Variants in PRRG4 observed in about 807,000 individuals in gnomAD.
PRRG4 encodes transmembrane gamma-carboxyglutamic acid protein 4.
PRRG4 carries 12 observed loss-of-function variants against 20.0 expected under a neutral mutation model. That is an observed-to-expected ratio of 0.60 (90% confidence interval 0.38 to 0.97). The LOEUF is 0.97. PRRG4 is among the 50% of genes least tolerant of loss of function. The pLI is 0.00. For synonymous variants in PRRG4, 94 were observed against 96.4 expected (o/e 0.98, Z 0.15); for missense variants, 199 against 265.1 (o/e 0.75, Z 1.73).
intron 5 of PRRG4, among the ~76,000 whole-genome samples, chr11:32,849,569 C>G (rs1395473608): frequency 6.6e-6 from 1 of 152,120 alleles, no homozygotes; most frequent in Non-Finnish European, 1.5e-5. Context: ...GAGGCTGAGG[C>G]AGGAGAAACG....
chr11:32,853,555 T>G lies in PRRG4; in HGVS notation c.*28T>G, dbSNP rs1278017376. On this transcript the variant is annotated 3_prime_UTR_variant, in exon 6 of 6. Transcript: ENST00000257836. ...ACCTTGTCATTTTGGTATAAGAAAT[T>G]TGTGTTATTTGATAGGCCGGGCATG... 1.3e-6 allele frequency: 2 copies of G among 1,573,746 alleles called. No homozygotes were observed. The highest frequency in any genetic ancestry group is 1.3e-5 in the African/African-American group (1 of 74,240).
chr11:32,835,016 G>T (rs1590668067), intron 2 of PRRG4, among the ~76,000 whole-genome samples: 1 of 152,002 alleles, frequency 6.6e-6, no homozygotes, highest in African/African-American at 2.4e-5. Flanking sequence ...GTTTCATCTT[G>T]TTGCCCAGGC....
At chr11:32,845,640 AG>A (rs1478093789) in intron 5 of PRRG4, among the ~76,000 whole-genome samples, 2 of 130,192 alleles carry the variant, frequency 1.5e-5, no homozygotes, top group African/African-American at 6.1e-5. Flanking sequence ...AAAAAAAAAA[AG>A]ATAACACTGT....
At position 32,850,784 on chromosome 11, in the gene PRRG4, A is replaced by G. The variant is rs183455570; in HGVS notation, c.450-2512A>G. ...CCTCATTCATCTGTAAAAACAAGCC[A>G]AGAGGCTGGCAGCGGTGGCTCACGC... On this transcript the variant is annotated intron_variant, in intron 5 of 5. Coordinates refer to ENST00000257836, the MANE Select transcript of PRRG4 (RefSeq NM_024081.6). 2.3e-3 allele frequency among the ~76,000 whole-genome samples: 349 copies of G among 152,280 alleles called. 2 individuals carry two copies. The highest frequency in any genetic ancestry group is 8.2e-3 in the African/African-American group (339 of 41,548).
At chr11:32,844,543 C>T (rs768637110) in intron 5 of PRRG4, among the ~76,000 whole-genome samples, 2 of 151,024 alleles carry the variant, frequency 1.3e-5, no homozygotes, top group African/African-American at 4.9e-5. Context: ...CTCTGTTACC[C>T]AGGCTGGAGT....
intron 2 of PRRG4, 39 bp from the exon 3 acceptor site, chr11:32,836,619 A>C: frequency 2.4e-6 from 3 of 1,231,260 alleles, no homozygotes; most frequent in Non-Finnish European, 3.4e-6. Context: ...TTTTGACTAT[A>C]TTTGATCAAT....
intron 2 of PRRG4, among the ~76,000 whole-genome samples, chr11:32,831,894 G>A (rs1850975205): frequency 6.6e-6 from 1 of 152,058 alleles, no homozygotes; most frequent in African/African-American, 2.4e-5. Context: ...GGTGGCACGT[G>A]CCTATAATCC....
rs568424804 is a variant in PRRG4, at chr11:32,832,401, A to AT, written c.103+1770dup. Among the ~76,000 whole-genome samples the AT allele has an allele frequency of 3.1e-4, 47 of 152,158 alleles. 1 individual carries two copies. The South Asian group carries it at 4.1e-3, about 13-fold the overall frequency. On this transcript the variant is annotated intron_variant, in intron 2 of 5. Transcript: ENST00000257836. Reference sequence around the variant, plus strand: ...AGAGAGTTGTATGGCAGAGAAGCCAATGCCTTCCATCTGCAAATGGGCTAT... The same window carrying AT: ...AGAGAGTTGTATGGCAGAGAAGCCAATTGCCTTCCATCTGCAAATGGGCTAT...
At position 32,855,764 on chromosome 11, in the gene PRRG4, G is replaced by A. The variant is rs1249043319; in HGVS notation, c.*2237G>A. On this transcript the variant is annotated 3_prime_UTR_variant, in exon 6 of 6. Coordinates refer to ENST00000257836, the MANE Select transcript of PRRG4 (RefSeq NM_024081.6). The stretch of plus-strand genomic sequence containing the variant: ...ATATAAAAATCTTGCTATTCCTTGT[G>A]TCTTGGCTTTACATAAGCACTTTTG... 6.6e-6 allele frequency: 1 copy of A among 152,188 alleles called. No homozygotes were observed. The highest frequency in any genetic ancestry group is 1.5e-5 in the Non-Finnish European group (1 of 68,036). 9.4% of individuals were successfully genotyped at this position (152,188 alleles called of 1,614,324 possible).
In PRRG4 at chr11:32,838,902, T is replaced by G. The variant is rs762227818; in HGVS notation, c.288T>G (p.Tyr96Ter). Residue 96 changes from tyrosine to a stop codon, truncating the protein, a stop_gained, in exon 4 of 6, where the codon TAT becomes TAG. Transcript: ENST00000257836. LOFTEE classifies it high-confidence loss of function. ...EDKTIAFWQE[Y>*]SAKGPTTKSD... ...TTTAGATTGCATTTTGGCAGGAATA[T>G]TCAGCTAAAGGACCAACCACAAAAT... 6.2e-7 allele frequency: 1 copy of G among 1,610,662 alleles called. No individual in the cohort carries two copies. Among genetic ancestry groups the G allele is most frequent in the Non-Finnish European group, 8.5e-7 (1 of 1,176,970 alleles).
intron 3 of PRRG4, among the ~76,000 whole-genome samples, chr11:32,837,553 T>G (rs748194204): frequency 0.028 from 3,917 of 137,702 alleles, 69 homozygotes; most frequent in Non-Finnish European, 0.036. Context: ...TTATTATTAT[T>G]ATTATTATTA....
At chr11:32,830,235 C>T in intron 1 of PRRG4, 62 bp downstream of exon 1, 9 of 1,066,156 alleles carry the variant, frequency 8.4e-6, no homozygotes, top group Non-Finnish European at 1.0e-5. Flanking sequence ...GCCACCTCGG[C>T]GGACTGGGTT....
chr11:32,846,285 C>T (rs1328117387), intron 5 of PRRG4, among the ~76,000 whole-genome samples: 1 of 152,224 alleles, frequency 6.6e-6, no homozygotes, highest in Non-Finnish European at 1.5e-5. Context: ...GCTAGGATTA[C>T]AGGCATGAGC....
chr11:32,842,848 A>G (rs1175771755), intron 5 of PRRG4, among the ~76,000 whole-genome samples: 2 of 152,058 alleles, frequency 1.3e-5, no homozygotes, highest in African/African-American at 2.4e-5. Flanking sequence ...TCTTGAAGAA[A>G]GTGTATTATT....
At chr11:32,831,615 C>T (rs144681373) in intron 2 of PRRG4, among the ~76,000 whole-genome samples, 2 of 152,172 alleles carry the variant, frequency 1.3e-5, no homozygotes, top group Non-Finnish European at 2.9e-5. Context: ...CCCTCTCAAG[C>T]TGCACCATAT....
At chr11:32,831,041 C>T (rs142236756) in intron 2 of PRRG4, among the ~76,000 whole-genome samples, 2 of 152,218 alleles carry the variant, frequency 1.3e-5, no homozygotes, top group East Asian at 1.9e-4. Flanking sequence ...AACTTAATCC[C>T]GTTTGGCTTG....
chr11:32,849,591 G>A (rs1363602055), intron 5 of PRRG4, among the ~76,000 whole-genome samples: 1 of 152,170 alleles, frequency 6.6e-6, no homozygotes, highest in East Asian at 1.9e-4. Flanking sequence ...TTGAACCCAG[G>A]AGGCAGAGGT....
Position 32,836,722 on chromosome 11 carries a change from T to C in PRRG4, c.168T>C (p.Asp56=). ...GACGCCTTCTGTATAATAGATTTGA[T>C]CTGGAGCTCTTCACTCCCGGCAACC... The part of the protein sequence containing the change: ...IHRRLLYNRF[D]LELFTPGNLE... Residue 56 remains aspartate (D), a synonymous_variant, in exon 3 of 6, where the codon GAT becomes GAC. Coordinates refer to ENST00000257836, the MANE Select transcript of PRRG4 (RefSeq NM_024081.6). 6.2e-7 allele frequency: 1 copy of C among 1,611,668 alleles called. No homozygotes were observed. Among genetic ancestry groups the C allele is most frequent in the Non-Finnish European group, 8.5e-7 (1 of 1,177,856 alleles).
intron 2 of PRRG4, among the ~76,000 whole-genome samples, chr11:32,831,551 G>A (rs556179064): frequency 6.6e-6 from 1 of 152,296 alleles, no homozygotes; most frequent in East Asian, 1.9e-4. Flanking sequence ...TCTAGCAACT[G>A]GATAGGCTAG....
Sources: allele counts gnomAD v4.1 joint callset (sites outside exome capture counted in the v4.1 genomes callset), GRCh38; gene constraint gnomAD v4.1.1; transcripts MANE v1.5; gene names NCBI Gene and HGNC (gene_info 2026-07-23, HGNC 2026-07-21).